RBM47: variants seen among roughly 807,000 people sequenced by gnomAD.
The protein encoded by RBM47 is RNA-binding protein 47.
A neutral mutation model predicts 47.1 loss-of-function variants in RBM47; 21 were observed. That is an observed-to-expected ratio of 0.45 (90% CI 0.32 to 0.64). The LOEUF (loss-of-function observed/expected upper bound fraction) is 0.64, where lower values mean the gene tolerates loss of function less well. Ranked by LOEUF, RBM47 falls within the 30% of genes least tolerant of loss-of-function variation. The pLI is 0.05. For synonymous variants in RBM47, 375 were observed against 361.7 expected, an observed-to-expected ratio of 1.04 and a Z score of -0.42; for missense variants, 708 against 870.9, an observed-to-expected ratio of 0.81 and a Z score of 2.35.
At chr4:40,452,402 G>A (rs563787554) in intron 3 of RBM47, among the ~76,000 whole-genome samples, 4 of 152,274 alleles carry the variant, frequency 2.6e-5, no homozygotes, top group African/African-American at 9.6e-5. Context: ...TGACTAGGAA[G>A]TTCAGGCTGA....
At position 40,438,790 on chromosome 4, in the gene RBM47, A is replaced by G; in HGVS notation, c.104T>C (p.Leu35Pro). The G allele has an allele frequency of 6.4e-7, 1 of 1,555,462 alleles. No homozygotes were observed. Among genetic ancestry groups the G allele is most frequent in the Non-Finnish European group, 8.7e-7 (1 of 1,155,510 alleles). Reference protein sequence around the residue: ...GVAGAPNEAALLALMERTGYS... With the variant: ...GVAGAPNEAAPLALMERTGYS... ...GCCCGTGCGCTCCATCAGCGCCAGC[A>G]GTGCTGCCTCGTTGGGCGCGCCCGC... Residue 35 changes from leucine (L) to proline (P), a missense_variant, in exon 4 of 7, where the codon CTG becomes CCG. Physicochemically the swap from Leu to Pro is moderately conservative, Grantham distance 98 (BLOSUM62 -3). Transcript: ENST00000295971.
At chr4:40,611,022 T>C (rs1314058272) in intron 1 of RBM47, among the ~76,000 whole-genome samples, 1 of 152,194 alleles carries the variant, frequency 6.6e-6, no homozygotes. Flanking sequence ...TAATACACTA[T>C]GTAAATATTA....
intron 1 of RBM47, among the ~76,000 whole-genome samples, chr4:40,567,192 G>A (rs1048224090): frequency 6.6e-6 from 1 of 151,852 alleles, no homozygotes; most frequent in African/African-American, 2.4e-5. Context: ...AAAGAGCAGT[G>A]GAGTCAGAGA....
intron 3 of RBM47, among the ~76,000 whole-genome samples, chr4:40,456,184 G>A (rs1186818614): frequency 6.6e-6 from 1 of 152,102 alleles, no homozygotes; most frequent in South Asian, 2.1e-4. Flanking sequence ...ATTGAATGTA[G>A]TAGGCCCTAA....
intron 3 of RBM47, among the ~76,000 whole-genome samples, chr4:40,462,393 C>T (rs1717285569): frequency 6.6e-6 from 1 of 152,102 alleles, no homozygotes; most frequent in African/African-American, 2.4e-5. Flanking sequence ...CCCACAATTC[C>T]CAACAACAGA....
chr4:40,614,726 G>T (rs1578072952), intron 1 of RBM47, among the ~76,000 whole-genome samples: 1 of 151,792 alleles, frequency 6.6e-6, no homozygotes, highest in African/African-American at 2.4e-5. Flanking sequence ...AGCTACTGAG[G>T]AGGCTAAGAT....
chr4:40,597,401 G>A (rs1734855237), intron 1 of RBM47, among the ~76,000 whole-genome samples: 1 of 152,092 alleles, frequency 6.6e-6, no homozygotes, highest in Non-Finnish European at 1.5e-5. Flanking sequence ...TGTGAGACCA[G>A]CCTGGCCAAC....
Position 40,425,991 on chromosome 4 carries a change from C to T in RBM47, c.1695G>A (p.Met565Ile), listed in dbSNP as rs752905554. 5 of 1,614,094 alleles carry T rather than the reference C, an allele frequency of 3.1e-6. No homozygotes were observed. The highest frequency in any genetic ancestry group is 2.2e-5 in the East Asian group (1 of 44,898). The change falls in exon 7 of 7, where the codon ATG becomes ATA. Residue 565 changes from methionine (M) to isoleucine (I), a missense_variant. Coordinates refer to ENST00000295971, the MANE Select transcript of RBM47 (RefSeq NM_001098634.2). The part of the protein sequence containing the change: ...LQKNAAAAAA[M>I]YGGYAGYIPQ... ...GTATGTAGCCTGCGTATCCTCCATA[C>T]ATGGCGGCCGCGGCTGCCGCGTTCT... is the stretch of plus-strand genomic sequence containing the variant.
chr4:40,423,692 CTTTCTTTCTT>C lies in RBM47; in HGVS notation c.*2202_*2211del, dbSNP rs1302306085. Reference sequence around the variant, plus strand: ...TCTTTCTTTCTTTCTTTCTTTCTTTCTTTCTTTCTTTCTTTCTTTCTTTTCTTTCTTTTCT... The same window carrying C: ...TCTTTCTTTCTTTCTTTCTTTCTTTCTCTTTCTTTCTTTTCTTTCTTTTCT... On this transcript the variant is annotated 3_prime_UTR_variant, in exon 7 of 7. Transcript: ENST00000295971. 1 of 105,052 alleles carries C rather than the reference CTTTCTTTCTT, an allele frequency of 9.5e-6. No homozygotes were observed. The highest frequency in any genetic ancestry group is 1.8e-5 in the Non-Finnish European group (1 of 54,342). The allele number at this position is 105,052 out of a possible 1,614,324, so 6.5% of individuals were successfully genotyped here. A position where few individuals can be genotyped will look rare whatever the true frequency, so the allele number is the denominator to read the frequency against.
chr4:40,611,753 C>CAAAACA (rs1736283084), intron 1 of RBM47, among the ~76,000 whole-genome samples: 1 of 151,376 alleles, frequency 6.6e-6, no homozygotes, highest in Admixed American at 6.6e-5. Context: ...CAAAACAAAA[C>CAAAACA]AAAAAAAACC....
At chr4:40,524,548 G>T (rs550686824) in intron 2 of RBM47, among the ~76,000 whole-genome samples, 32 of 152,336 alleles carry the variant, frequency 2.1e-4, no homozygotes, top group Admixed American at 2.0e-3. Context: ...AGTGCCGTGT[G>T]TGTCAAGGAA....
At chr4:40,511,144 G>A (rs1205444078) in intron 2 of RBM47, among the ~76,000 whole-genome samples, 2 of 152,184 alleles carry the variant, frequency 1.3e-5, no homozygotes, top group African/African-American at 2.4e-5. Flanking sequence ...CAAGTTGCCC[G>A]TGTAGTTCTG....
In RBM47 at chr4:40,438,021, G is replaced by A; in HGVS notation, c.873C>T (p.Arg291=). 1 of 1,613,584 alleles carries A rather than the reference G, an allele frequency of 6.2e-7. No homozygotes were observed. Among genetic ancestry groups the A allele is most frequent in the East Asian group, 2.2e-5 (1 of 44,874 alleles). ...TGTTCATGGCATGCACGGCATCCTC[G>A]CGGCTGGTGAAGTGCACGAAGGCGT... ...RDYAFVHFTS[R]EDAVHAMNNL... is the part of the protein sequence containing the mutation. The change falls in exon 4 of 7, where the codon CGC becomes CGT. Residue 291 remains arginine, a synonymous_variant. Transcript: ENST00000295971.
chr4:40,565,665 T>C (rs1731032723), intron 1 of RBM47, among the ~76,000 whole-genome samples: 1 of 152,192 alleles, frequency 6.6e-6, no homozygotes, highest in Non-Finnish European at 1.5e-5. Context: ...CTCTGAGCCT[T>C]AGTTTCTCAG....
chr4:40,586,959 G>A (rs535814586), intron 1 of RBM47, among the ~76,000 whole-genome samples: 41 of 152,088 alleles, frequency 2.7e-4, no homozygotes, highest in Non-Finnish European at 1.8e-4. Flanking sequence ...TGATTTCCTC[G>A]GGCCTTAGTG....
At chr4:40,525,756 G>A (rs1320051433) in intron 2 of RBM47, among the ~76,000 whole-genome samples, 1 of 152,212 alleles carries the variant, frequency 6.6e-6, no homozygotes, top group Non-Finnish European at 1.5e-5. Flanking sequence ...ATAGGCTTAA[G>A]TAGAAAGGAG....
chr4:40,521,554 G>A (rs1015714605), intron 2 of RBM47, among the ~76,000 whole-genome samples: 2 of 152,128 alleles, frequency 1.3e-5, no homozygotes, highest in African/African-American at 4.8e-5. Context: ...TATTCTGTGC[G>A]ATGAAACAGA....
intron 2 of RBM47, among the ~76,000 whole-genome samples, chr4:40,506,430 C>T (rs1724108796): frequency 6.6e-6 from 1 of 152,176 alleles, no homozygotes; most frequent in Admixed American, 6.5e-5. Flanking sequence ...GTGCCAGATA[C>T]TTTAATATAC....
chr4:40,611,738 A>AAAAAC (rs77529275), intron 1 of RBM47, among the ~76,000 whole-genome samples: 16,348 of 151,516 alleles, frequency 0.11, 933 homozygotes, highest in South Asian at 0.12. Flanking sequence ...CAAAAAAAAC[A>AAAAAC]AAAACAAAAC....
Sources: allele counts gnomAD v4.1 joint callset (sites outside exome capture counted in the v4.1 genomes callset), GRCh38; gene constraint gnomAD v4.1.1; transcripts MANE v1.5; gene names NCBI Gene and HGNC (gene_info 2026-07-23, HGNC 2026-07-21).